The following CSMD3 variants were observed in gnomAD, a reference collection of about 807,000 sequenced individuals.
CSMD3 encodes the protein CUB and Sushi multiple domains 3.
A neutral mutation model predicts 435.2 loss-of-function variants in CSMD3; 177 were observed. That is an observed-to-expected ratio of 0.41 (90% CI 0.36 to 0.46). The LOEUF is 0.46. CSMD3 is among the 20% of genes least tolerant of loss of function. The probability of loss-of-function intolerance (pLI) is 0.34; values close to 1 mark genes in which losing one functional copy is unlikely to be tolerated. For synonymous variants in CSMD3, 1,656 were observed against 1,520.5 expected (o/e 1.09, Z -2.07); for missense variants, 4,265 against 4,504.6 (o/e 0.95, Z 1.52).
At chr8:112,408,186 T>C (rs1013525096) in intron 34 of CSMD3, 132 bp downstream of exon 34, 2 of 701,540 alleles carry the variant, frequency 2.9e-6, no homozygotes, top group Admixed American at 4.0e-5. Context: ...GATCTAGTGA[T>C]GGTGGAGGGG....
intron 10 of CSMD3, among the ~76,000 whole-genome samples, chr8:112,911,777 T>C (rs989529955): frequency 1.4e-5 from 2 of 146,096 alleles, no homozygotes; most frequent in African/African-American, 5.0e-5. Context: ...AATTGTTATG[T>C]ATATAAAATA....
intron 38 of CSMD3, among the ~76,000 whole-genome samples, chr8:112,362,129 G>C (rs567734695): frequency 1.3e-5 from 2 of 152,024 alleles, no homozygotes; most frequent in Non-Finnish European, 2.9e-5. Flanking sequence ...ATAGTTTGAA[G>C]ACTTGTAGAA....
chr8:113,371,078 T>C (rs2094343673), intron 1 of CSMD3, among the ~76,000 whole-genome samples: 2 of 152,078 alleles, frequency 1.3e-5, no homozygotes, highest in South Asian at 2.1e-4. Context: ...ATATTTGAAA[T>C]TGTCCATAGT....
chr8:112,346,084 T>A lies in CSMD3; in HGVS notation c.6442+13A>T, dbSNP rs759547063. 7.3e-7 allele frequency: 1 copy of A among 1,368,626 alleles called. No individual in the cohort carries two copies. Among genetic ancestry groups the A allele is most frequent in the Admixed American group, 1.7e-5 (1 of 59,754 alleles). 84.8% of individuals were successfully genotyped at this position (1,368,626 alleles called of 1,614,324 possible). ...ATATTGAAAGCTCTTTCACGTGTTT[T>A]TAATACACATACCAAAACCTATGGG... On this transcript the variant is annotated intron_variant, in intron 41 of 70. Transcript: ENST00000297405.
rs796125433 is a variant in CSMD3 at position 112,247,100 on chromosome 8, T to G, written c.10142A>C (p.Lys3381Thr). The G allele has an allele frequency of 3.7e-6, 6 of 1,613,634 alleles. No individual in the cohort carries two copies. The highest frequency in any genetic ancestry group is 5.1e-6 in the Non-Finnish European group (6 of 1,179,800). Reference protein sequence around the residue: ...VGSVVQFHCKKGHLLQGSTTR... With the variant: ...VGSVVQFHCKTGHLLQGSTTR... ...TGTAGACCCTTGGAGAAGGTGTCCT[T>G]TTTTGCAATGGAACTGTACAACACT... is the stretch of plus-strand genomic sequence containing the variant. Residue 3381 changes from lysine (K) to threonine (T), a missense_variant, in exon 64 of 71, where the codon AAA becomes ACA. Lys to Thr is a moderately conservative substitution (Grantham distance 78, BLOSUM62 -1). Around this residue, in one of 3 missense-constraint regions of CSMD3, gnomAD observed 3,255 missense variants for 3,380.2 expected, o/e 0.96. Coordinates refer to ENST00000297405, the MANE Select transcript of CSMD3 (RefSeq NM_198123.2).
At position 112,427,545 on chromosome 8, in the gene CSMD3, G is replaced by A. The variant is rs1813199239; in HGVS notation, c.5396-18513C>T. Reference sequence around the variant, plus strand: ...GGCCTCCCCAGTCCTGAGGAACTGTGAGTCAATTAAACCTCTTACATTTAT... The same window carrying A: ...GGCCTCCCCAGTCCTGAGGAACTGTAAGTCAATTAAACCTCTTACATTTAT... On this transcript the variant is annotated intron_variant, in intron 32 of 70. Transcript: ENST00000297405. 5.3e-5 allele frequency among the ~76,000 whole-genome samples: 8 copies of A among 152,260 alleles called. No individual in the cohort carries two copies. The South Asian group carries it at 1.7e-3, about 32-fold the overall frequency.
intron 13 of CSMD3, among the ~76,000 whole-genome samples, chr8:112,735,061 A>G (rs2077157670): frequency 6.6e-6 from 1 of 152,040 alleles, no homozygotes; most frequent in Non-Finnish European, 1.5e-5. Flanking sequence ...TTAAAGATTA[A>G]TTTTAAAAAC....
chr8:113,433,801 A>G lies in CSMD3; in HGVS notation c.178+2876T>C, dbSNP rs2094689484. ...CACGACTTGGAGATTCACAGTTTCT[A>G]TCTGGGTGAGACCTAAACAGACACG... On this transcript the variant is annotated intron_variant, in intron 1 of 70. Transcript: ENST00000297405. 1.3e-5 allele frequency among the ~76,000 whole-genome samples: 2 copies of G among 152,122 alleles called. 1 individual carries two copies. The highest frequency in any genetic ancestry group is 4.1e-4 in the South Asian group (2 of 4,832).
chr8:112,433,402 T>A (rs1203814221), intron 32 of CSMD3, among the ~76,000 whole-genome samples: 1 of 150,660 alleles, frequency 6.6e-6, no homozygotes, highest in Admixed American at 6.6e-5. Flanking sequence ...ATGCCTGTAA[T>A]CCCAGTACTT....
chr8:112,419,397 T>C (rs1812242505), intron 32 of CSMD3, among the ~76,000 whole-genome samples: 1 of 152,188 alleles, frequency 6.6e-6, no homozygotes, highest in Non-Finnish European at 1.5e-5. Context: ...TAATATGTAT[T>C]GCTATTTTGT....
At chr8:113,156,839 G>A (rs572346972) in intron 4 of CSMD3, among the ~76,000 whole-genome samples, 33 of 152,064 alleles carry the variant, frequency 2.2e-4, no homozygotes, top group African/African-American at 8.0e-4. Flanking sequence ...GCTGAGGTGG[G>A]AGGATCACTG....
At chr8:113,184,628 T>A (rs778044559) in intron 3 of CSMD3, among the ~76,000 whole-genome samples, 2 of 152,092 alleles carry the variant, frequency 1.3e-5, no homozygotes, top group African/African-American at 2.4e-5. Context: ...TCAAAACGTA[T>A]GGCCAAATCA....
chr8:113,395,787 T>C (rs899050766), intron 1 of CSMD3, among the ~76,000 whole-genome samples: 4 of 152,194 alleles, frequency 2.6e-5, no homozygotes, highest in African/African-American at 9.7e-5. Flanking sequence ...TCCCTGATCT[T>C]GTACCTTTGC....
chr8:112,315,957 A>C (rs937268475), intron 47 of CSMD3, among the ~76,000 whole-genome samples: 6 of 151,860 alleles, frequency 4.0e-5, no homozygotes, highest in African/African-American at 1.4e-4. Flanking sequence ...TAGATGAAGA[A>C]CTTATATATT....
At chr8:112,255,503 A>T (rs1300290816) in intron 61 of CSMD3, 76 bp from the exon 62 acceptor site, 16 of 1,209,944 alleles carry the variant, frequency 1.3e-5, no homozygotes, top group Non-Finnish European at 2.0e-5. Flanking sequence ...AAATGGTGAC[A>T]ATCAATTTGA....
intron 10 of CSMD3, among the ~76,000 whole-genome samples, chr8:112,911,749 AT>A (rs1447202104): frequency 2.1e-5 from 3 of 145,528 alleles, no homozygotes; most frequent in Middle Eastern, 3.6e-3. Context: ...TTATGTATAC[AT>A]TATAATATAT....
intron 13 of CSMD3, among the ~76,000 whole-genome samples, chr8:112,752,663 G>A (rs1025569245): frequency 3.3e-5 from 5 of 151,676 alleles, no homozygotes; most frequent in African/African-American, 7.3e-5. Flanking sequence ...GATAACTAAA[G>A]AATAAAAACA....
At position 112,292,498 on chromosome 8, in the gene CSMD3, T is replaced by G. The variant is rs753942863; in HGVS notation, c.8788+39A>C. Reference sequence around the variant, plus strand: ...GTCACTGATGTTTATGTGAATATTATTATCATGCCACCAAATGGGAATATA... The same window carrying G: ...GTCACTGATGTTTATGTGAATATTAGTATCATGCCACCAAATGGGAATATA... On this transcript the variant is annotated intron_variant, in intron 55 of 70. Coordinates refer to ENST00000297405, the MANE Select transcript of CSMD3 (RefSeq NM_198123.2). The G allele has an allele frequency of 3.1e-6, 5 of 1,599,318 alleles. No individual in the cohort carries two copies. The South Asian group carries it at 4.4e-5, about 14-fold the overall frequency.
intron 13 of CSMD3, among the ~76,000 whole-genome samples, chr8:112,736,949 A>C (rs1331692101): frequency 6.6e-6 from 1 of 151,938 alleles, no homozygotes; most frequent in Non-Finnish European, 1.5e-5. Flanking sequence ...GTAAAATTGT[A>C]CTGCTTTGCT....
Sources: gnomAD v4.1 joint callset for allele counts (sites outside exome capture counted in the v4.1 genomes callset) on GRCh38, gnomAD v4.1.1 for gene constraint, gnomAD v4.1.1 regional missense constraint, MANE v1.5 for transcripts, NCBI Gene and HGNC (gene_info 2026-07-23, HGNC 2026-07-21) for gene names.